NBEA: variants seen among roughly 807,000 people sequenced by gnomAD.
NBEA encodes neurobeachin.
NBEA carries 44 observed loss-of-function variants against 343.4 expected under a neutral mutation model. That is an observed-to-expected ratio of 0.13 (90% confidence interval 0.10 to 0.16). The LOEUF (loss-of-function observed/expected upper bound fraction) is 0.16. NBEA is among the 10% of genes least tolerant of loss of function. The probability of loss-of-function intolerance (pLI) is 1.00; values close to 1 mark genes in which losing one functional copy is unlikely to be tolerated. For missense variants in NBEA, 2,555 were observed against 3,631.3 expected, an observed-to-expected ratio of 0.70 and a Z score of 7.62; for synonymous variants, 1,175 against 1,238.7, an observed-to-expected ratio of 0.95 and a Z score of 1.08.
intron 45 of NBEA, 139 bp from the exon 46 acceptor site, chr13:35,583,759 T>A: frequency 1.5e-6 from 1 of 647,362 alleles, no homozygotes; most frequent in East Asian, 2.8e-5. Context: ...CCAGTATGGT[T>A]AAAAATGTAA....
chr13:35,022,506 G>A (rs1304587748), intron 1 of NBEA, among the ~76,000 whole-genome samples: 1 of 152,042 alleles, frequency 6.6e-6, no homozygotes, highest in Non-Finnish European at 1.5e-5. Context: ...CTTAGCTGGG[G>A]TACAGGGTCA....
At chr13:35,002,614 G>A (rs943107724) in intron 1 of NBEA, among the ~76,000 whole-genome samples, 3 of 151,996 alleles carry the variant, frequency 2.0e-5, no homozygotes, top group South Asian at 2.1e-4. Context: ...GTATCAGGTC[G>A]GTGCAAAAGT....
At chr13:35,315,589 C>G (rs2037660664) in intron 36 of NBEA, among the ~76,000 whole-genome samples, 1 of 152,192 alleles carries the variant, frequency 6.6e-6, no homozygotes, top group East Asian at 1.9e-4. Context: ...ACCTTTGTCA[C>G]TCTTTTAAAA....
At chr13:35,540,950 C>G (rs1311353232) in intron 41 of NBEA, among the ~76,000 whole-genome samples, 1 of 152,168 alleles carries the variant, frequency 6.6e-6, no homozygotes, top group Non-Finnish European at 1.5e-5. Context: ...CAAATAGCGT[C>G]TACCTTGCAG....
intron 38 of NBEA, among the ~76,000 whole-genome samples, chr13:35,395,987 T>C (rs1481219159): frequency 6.6e-6 from 1 of 152,176 alleles, no homozygotes; most frequent in Admixed American, 6.6e-5. Flanking sequence ...TTATATGCTT[T>C]TCTATTCATT....
At chr13:35,434,421 A>G (rs1048282137) in intron 39 of NBEA, among the ~76,000 whole-genome samples, 2 of 152,168 alleles carry the variant, frequency 1.3e-5, no homozygotes, top group African/African-American at 4.8e-5. Flanking sequence ...ATCCCTCTTG[A>G]GTTGTGTTCT....
chr13:35,562,956 T>A (rs868834585), intron 44 of NBEA, among the ~76,000 whole-genome samples: 1 of 152,026 alleles, frequency 6.6e-6, no homozygotes, highest in South Asian at 2.1e-4. Context: ...ATGGTTTAAT[T>A]AAAAAGTTTT....
At chr13:35,210,021 T>G (rs2073660557) in intron 32 of NBEA, among the ~76,000 whole-genome samples, 1 of 152,134 alleles carries the variant, frequency 6.6e-6, no homozygotes, top group Admixed American at 6.6e-5. Flanking sequence ...AAACTGTTTT[T>G]CTTTTACTAA....
At chr13:35,443,289 T>G (rs2045838239) in intron 39 of NBEA, among the ~76,000 whole-genome samples, 2 of 152,078 alleles carry the variant, frequency 1.3e-5, no homozygotes, top group Non-Finnish European at 2.9e-5. Context: ...TACTCTGACT[T>G]TTATGTAATA....
chr13:35,621,138 A>G (rs570658933), intron 48 of NBEA, among the ~76,000 whole-genome samples: 1 of 152,190 alleles, frequency 6.6e-6, no homozygotes, highest in African/African-American at 2.4e-5. Flanking sequence ...AATGTCTGAC[A>G]TATGGTTGGT....
chr13:35,188,593 T>C (rs2071912542), intron 30 of NBEA, among the ~76,000 whole-genome samples: 1 of 152,162 alleles, frequency 6.6e-6, no homozygotes, highest in South Asian at 2.1e-4. Context: ...TGAATAGTGT[T>C]CCATTGTGTA....
At chr13:35,579,663 T>TA (rs2080918697) in intron 45 of NBEA, among the ~76,000 whole-genome samples, 2 of 152,248 alleles carry the variant, frequency 1.3e-5, no homozygotes, top group African/African-American at 4.8e-5. Context: ...TTAAAAATTT[T>TA]AAAAAATAAG....
chr13:35,432,644 TTAAC>T (rs965410849), intron 39 of NBEA, among the ~76,000 whole-genome samples: 2 of 152,074 alleles, frequency 1.3e-5, no homozygotes, highest in Admixed American at 6.6e-5. Flanking sequence ...TAGTTAGTTA[TTAAC>T]TAACAGTCCT....
At chr13:35,477,526 T>C (rs1168469051) in intron 41 of NBEA, among the ~76,000 whole-genome samples, 3 of 152,312 alleles carry the variant, frequency 2.0e-5, no homozygotes, top group South Asian at 4.1e-4. Flanking sequence ...CAGAGTACTT[T>C]AGCGTTATTT....
In NBEA at chr13:35,161,979, TC is replaced by T; in HGVS notation, c.4079+13del. On this transcript the variant is annotated intron_variant, in intron 23 of 58. Coordinates refer to ENST00000379939, the MANE Select transcript of NBEA (RefSeq NM_001385012.1). ...CATGTTTGGAGGAGGTAGAAATATT[TC>T]TTTTTTATAAATTAAAAGCAAATAT... 6.5e-7 allele frequency: 1 copy of T among 1,528,314 alleles called. No individual in the cohort carries two copies. Among genetic ancestry groups the T allele is most frequent in the South Asian group, 1.2e-5 (1 of 81,052 alleles). The allele number at this position is 1,528,314 out of a possible 1,614,324, so 94.7% of individuals were successfully genotyped here. A position where few individuals can be genotyped will look rare whatever the true frequency, so the allele number is the denominator to read the frequency against.
chr13:35,470,441 C>T (rs1016472586), intron 40 of NBEA, among the ~76,000 whole-genome samples: 2 of 151,936 alleles, frequency 1.3e-5, no homozygotes, highest in African/African-American at 4.8e-5. Flanking sequence ...AGTAATTCAC[C>T]ATTTTTAGTG....
chr13:35,610,649 G>C (rs1593361032), intron 48 of NBEA, among the ~76,000 whole-genome samples: 1 of 152,060 alleles, frequency 6.6e-6, no homozygotes, highest in African/African-American at 2.4e-5. Context: ...TGTTAGCAAA[G>C]ATGTTTTAGA....
chr13:35,651,667 C>G lies in NBEA; in HGVS notation c.7964-138C>G, dbSNP rs149785582. ...TTTTGTAAGGCTGTCTACAGAGACA[C>G]ATAGTATCAGAACAATTTATCAAAT... On this transcript the variant is annotated intron_variant, in intron 52 of 58. Transcript: ENST00000379939. The G allele has an allele frequency of 1.6e-3, 1,017 of 648,768 alleles. 11 individuals carry two copies. In the African/African-American group the frequency reaches 0.017, roughly 11 times the overall value. The allele number at this position is 648,768 out of a possible 1,614,324, so 40.2% of individuals were successfully genotyped here.
At chr13:34,985,326 T>C (rs2060507057) in intron 1 of NBEA, among the ~76,000 whole-genome samples, 1 of 151,078 alleles carries the variant, frequency 6.6e-6, no homozygotes, top group African/African-American at 2.4e-5. Flanking sequence ...GTTCTGTTTA[T>C]GTGATGGATT....
Sources: gnomAD v4.1 joint callset for allele counts (sites outside exome capture counted in the v4.1 genomes callset) on GRCh38, gnomAD v4.1.1 for gene constraint, MANE v1.5 for transcripts, NCBI Gene and HGNC (gene_info 2026-07-23, HGNC 2026-07-21) for gene names.